The following MTSS1 variants were observed in gnomAD, a reference collection of about 807,000 sequenced individuals.
MTSS1 encodes the protein MTSS I-BAR domain containing 1.
A neutral mutation model predicts 79.0 loss-of-function variants in MTSS1; 18 were observed. That is an observed-to-expected ratio of 0.23 (90% CI 0.16 to 0.34). The LOEUF is 0.34. Among genes scored for constraint, MTSS1 ranks in the 10% least tolerant of loss-of-function variants. MTSS1 has a pLI of 1.00. For synonymous variants in MTSS1, 341 were observed against 368.6 expected (o/e 0.93, Z 0.86); for missense variants, 815 against 986.2 (o/e 0.83, Z 2.33).
intron 1 of MTSS1, among the ~76,000 whole-genome samples, chr8:124,705,485 T>A (rs1298972364): frequency 5.3e-5 from 8 of 151,942 alleles, no homozygotes; most frequent in Admixed American, 4.6e-4. Context: ...AATAAAATAA[T>A]ATAAAATAAA....
At chr8:124,660,469 C>T (rs937420562) in intron 3 of MTSS1, among the ~76,000 whole-genome samples, 33 of 151,050 alleles carry the variant, frequency 2.2e-4, no homozygotes, top group African/African-American at 8.1e-4. Flanking sequence ...CACACACACA[C>T]ACACCCTCAA....
intron 3 of MTSS1, among the ~76,000 whole-genome samples, chr8:124,601,282 G>A (rs962308240): frequency 2.2e-4 from 34 of 151,930 alleles, no homozygotes; most frequent in African/African-American, 7.7e-4. Flanking sequence ...AGCTGGTCTC[G>A]AACTCCTGAC....
At chr8:124,607,330 C>G (rs140952329) in intron 3 of MTSS1, among the ~76,000 whole-genome samples, 3 of 152,206 alleles carry the variant, frequency 2.0e-5, no homozygotes, top group South Asian at 4.1e-4. Flanking sequence ...GTTGATTTCC[C>G]GGCCAAACTC....
At position 124,728,096 on chromosome 8, in the gene MTSS1, G is replaced by C. The variant is rs1834004489; in HGVS notation, c.-141C>G. The C allele has an allele frequency of 4.7e-6, 3 of 643,056 alleles. No individual in the cohort carries two copies. Among genetic ancestry groups the C allele is most frequent in the Non-Finnish European group, 7.9e-6 (3 of 378,228 alleles). 39.8% of individuals were successfully genotyped at this position (643,056 alleles called of 1,614,324 possible). ...GCAGCCTCTTCTGCAGCGAGGACGGGGTGCACCAGACCGACTGTTCTCTGC... is the reference window on the plus strand; with the variant it reads ...GCAGCCTCTTCTGCAGCGAGGACGGCGTGCACCAGACCGACTGTTCTCTGC... On this transcript the variant is annotated 5_prime_UTR_variant, in exon 1 of 14. Transcript: ENST00000518547. This position sits in a 1 kb window ranked among gnomAD's most constrained non-coding sequence, Gnocchi z 6.1.
intron 6 of MTSS1, chr8:124,568,974 A>C (rs112358748): frequency 4.9e-4 from 289 of 587,364 alleles, no homozygotes; most frequent in African/African-American, 4.3e-3. Context: ...GGTCAATCTC[A>C]ATCAAAGAGC....
intron 3 of MTSS1, among the ~76,000 whole-genome samples, chr8:124,615,809 A>C (rs1328614192): frequency 6.6e-6 from 1 of 152,208 alleles, no homozygotes; most frequent in Non-Finnish European, 1.5e-5. Context: ...TGAGGCAAGA[A>C]CAAGCAGTGC....
rs562404916 is a variant in MTSS1 at position 124,689,670 on chromosome 8, C to T, written c.208+9856G>A. Among the ~76,000 whole-genome samples the T allele has an allele frequency of 1.4e-3, 208 of 149,662 alleles. 2 individuals are homozygous for T. Among genetic ancestry groups the T allele is most frequent in the Admixed American group, 2.5e-3 (37 of 14,870 alleles). On this transcript the variant is annotated intron_variant, in intron 3 of 13. Transcript: ENST00000518547. ...ATGAGGCAGGACAGTCGCTTGAACCCGGGAGGTGGAGGTTCCAGTGAGCCA... is the reference window on the plus strand; with the variant it reads ...ATGAGGCAGGACAGTCGCTTGAACCTGGGAGGTGGAGGTTCCAGTGAGCCA...
At chr8:124,586,550 G>T (rs1395964061) in intron 5 of MTSS1, among the ~76,000 whole-genome samples, 1 of 152,136 alleles carries the variant, frequency 6.6e-6, no homozygotes, top group African/African-American at 2.4e-5. Flanking sequence ...AAGCTCCCCA[G>T]GGGACGCAGC....
rs184313391 is a variant in MTSS1, at chr8:124,614,570, C to A, written c.209-23335G>T. On this transcript the variant is annotated intron_variant, in intron 3 of 13. Transcript: ENST00000518547. ...CAGGATCCAGAAGACTATGCTTCAG[C>A]TGTTTTGGAAATGGGTATGTTTTTT... 6.2e-4 allele frequency among the ~76,000 whole-genome samples: 95 copies of A among 152,356 alleles called. No homozygotes were observed. In the Middle Eastern group the frequency reaches 0.01, roughly 16 times the overall value.
intron 3 of MTSS1, among the ~76,000 whole-genome samples, chr8:124,649,077 T>C (rs1819502559): frequency 6.6e-6 from 1 of 152,246 alleles, no homozygotes; most frequent in South Asian, 2.1e-4. Context: ...CCATTTCCAT[T>C]TAGACCAAAC....
chr8:124,646,385 T>A (rs1819005948), intron 3 of MTSS1, among the ~76,000 whole-genome samples: 1 of 152,188 alleles, frequency 6.6e-6, no homozygotes, highest in Non-Finnish European at 1.5e-5. Context: ...TTATTTACCA[T>A]TCATTCATTT....
chr8:124,694,402 T>C (rs555859283), intron 3 of MTSS1, among the ~76,000 whole-genome samples: 12 of 152,028 alleles, frequency 7.9e-5, no homozygotes, highest in Non-Finnish European at 1.3e-4. Flanking sequence ...ATACATCCAA[T>C]GCCTGAGGAA....
intron 4 of MTSS1, among the ~76,000 whole-genome samples, chr8:124,590,875 G>A (rs746729375): frequency 2.6e-5 from 4 of 152,190 alleles, no homozygotes; most frequent in Non-Finnish European, 5.9e-5. Flanking sequence ...ACCTCAGCAG[G>A]CTGCACCGGC....
At chr8:124,713,409 A>T (rs1439470351) in intron 1 of MTSS1, among the ~76,000 whole-genome samples, 1 of 152,036 alleles carries the variant, frequency 6.6e-6, no homozygotes, top group African/African-American at 2.4e-5. Flanking sequence ...TCATCCCCTA[A>T]ATTCAACTCA....
At chr8:124,682,313 G>A (rs1298623019) in intron 3 of MTSS1, among the ~76,000 whole-genome samples, 1 of 152,110 alleles carries the variant, frequency 6.6e-6, no homozygotes, top group Non-Finnish European at 1.5e-5. Context: ...GGCTGTGCTC[G>A]GCCCTATTTG....
At chr8:124,595,547 T>A (rs539938016) in intron 3 of MTSS1, among the ~76,000 whole-genome samples, 1 of 152,290 alleles carries the variant, frequency 6.6e-6, no homozygotes, top group South Asian at 2.1e-4. Flanking sequence ...CTTCTGTCCT[T>A]ACATCTTCTC....
At chr8:124,626,420 T>C (rs1018328776) in intron 3 of MTSS1, among the ~76,000 whole-genome samples, 1 of 152,162 alleles carries the variant, frequency 6.6e-6, no homozygotes, top group African/African-American at 2.4e-5. Context: ...GAGGATAGCT[T>C]GAGCCCAGGA....
At chr8:124,697,253 T>TAAAAA (rs10693846) in intron 3 of MTSS1, among the ~76,000 whole-genome samples, 7 of 146,314 alleles carry the variant, frequency 4.8e-5, no homozygotes, top group Admixed American at 4.1e-4. Context: ...TAGAGCAGCT[T>TAAAAA]AAAAAAAAAA....
intron 3 of MTSS1, among the ~76,000 whole-genome samples, chr8:124,656,066 G>T (rs1340379650): frequency 6.6e-6 from 1 of 152,216 alleles, no homozygotes; most frequent in Non-Finnish European, 1.5e-5. Flanking sequence ...AATGTGTCTT[G>T]AGCATTGAAT....
Sources: gnomAD v4.1 joint callset for allele counts (sites outside exome capture counted in the v4.1 genomes callset) on GRCh38, gnomAD v4.1.1 for gene constraint, Gnocchi (gnomAD v3.1) non-coding constraint, MANE v1.5 for transcripts, NCBI Gene and HGNC (gene_info 2026-07-23, HGNC 2026-07-21) for gene names.